RICTOR: variants seen among roughly 807,000 people sequenced by gnomAD.
The protein encoded by RICTOR is rapamycin-insensitive companion of mTOR.
RICTOR carries 49 observed loss-of-function variants against 214.9 expected under a neutral mutation model. That is an observed-to-expected ratio of 0.23 (90% CI 0.18 to 0.29). RICTOR has a LOEUF of 0.29. Ranked by LOEUF, RICTOR falls within the 10% of genes least tolerant of loss-of-function variation. The probability of loss-of-function intolerance (pLI) is 1.00; values close to 1 mark genes in which losing one functional copy is unlikely to be tolerated. For missense variants in RICTOR, 1,625 were observed against 2,047.0 expected, an observed-to-expected ratio of 0.79 and a Z score of 3.98; for synonymous variants, 717 against 711.3, an observed-to-expected ratio of 1.01 and a Z score of -0.13.
At chr5:39,003,426 C>T in intron 4 of RICTOR, 132 bp downstream of exon 4, 1 of 551,896 alleles carries the variant, frequency 1.8e-6, no homozygotes, top group South Asian at 3.2e-5. Context: ...TAGATTTTTT[C>T]TAATGTTCAA....
intron 8 of RICTOR, chr5:38,981,372 C>CTGTA (rs1751703200): frequency 6.5e-6 from 1 of 154,622 alleles, no homozygotes; most frequent in African/African-American, 2.4e-5. Context: ...TTTTGACTAA[C>CTGTA]TGTAATAAAC....
Position 38,950,033 on chromosome 5 carries a change from G to C in RICTOR, c.3815C>G (p.Pro1272Arg), listed in dbSNP as rs1218239999. The C allele has an allele frequency of 6.2e-7, 1 of 1,613,348 alleles. No homozygotes were observed. The highest frequency in any genetic ancestry group is 1.3e-5 in the African/African-American group (1 of 74,952). The change falls in exon 31 of 38, where the codon CCA (proline) becomes CGA (arginine). Residue 1272 changes from proline (P) to arginine (R), a missense_variant. By Grantham distance (103) the Pro-to-Arg change is moderately radical. Coordinates refer to ENST00000357387, the MANE Select transcript of RICTOR (RefSeq NM_152756.5). ...KTIKTSHYLT[P>R]QSNHLSLSKS... is the part of the protein sequence containing the mutation. ...GGAGAGAGACAGATGGTTAGACTGT[G>C]GCGTCAAATAGTGGCTTGTCTTAAT...
chr5:39,040,431 C>T (rs1024135684), intron 2 of RICTOR, among the ~76,000 whole-genome samples: 8 of 151,896 alleles, frequency 5.3e-5, no homozygotes, highest in East Asian at 3.9e-4. Context: ...CAAACCTGCA[C>T]GCTGTGCACA....
At chr5:39,073,994 TG>T in intron 2 of RICTOR, 116 bp downstream of exon 2, 1 of 585,878 alleles carries the variant, frequency 1.7e-6, no homozygotes, top group Non-Finnish European at 2.3e-6. Flanking sequence ...GCTCCGGCTC[TG>T]GCCCCCGCAC....
In RICTOR at chr5:38,959,917, G is replaced by A. The variant is rs1263674755; in HGVS notation, c.1913C>T (p.Ser638Phe). The A allele has an allele frequency of 6.2e-7, 1 of 1,613,058 alleles. No individual in the cohort carries two copies. The highest frequency in any genetic ancestry group is 1.3e-5 in the African/African-American group (1 of 74,858). Residue 638 changes from serine to phenylalanine, a missense_variant, in exon 21 of 38, where the codon TCT (serine) becomes TTT (phenylalanine). Coordinates refer to ENST00000357387, the MANE Select transcript of RICTOR (RefSeq NM_152756.5). ...KDIVQWLNAS[S>F]GMKPERSLQN... ...AAGACTTCTTTCGGGTTTCATTCCA[G>A]ATGAAGCATTGAGCCACTGAACAAT...
chr5:38,955,800 G>T (rs1025409281), intron 25 of RICTOR, 96 bp from the exon 26 acceptor site: 10 of 723,776 alleles, frequency 1.4e-5, no homozygotes, highest in African/African-American at 3.5e-5. Flanking sequence ...ACAGATCAAG[G>T]TATTATGAAT....
At chr5:39,066,819 T>C (rs1279094689) in intron 2 of RICTOR, among the ~76,000 whole-genome samples, 1 of 152,232 alleles carries the variant, frequency 6.6e-6, no homozygotes, top group African/African-American at 2.4e-5. Context: ...TGCTAAAGCA[T>C]AATGAGGGTG....
chr5:39,031,576 C>T (rs1227781683), intron 2 of RICTOR, among the ~76,000 whole-genome samples: 1 of 152,144 alleles, frequency 6.6e-6, no homozygotes, highest in Non-Finnish European at 1.5e-5. Context: ...CTCCAAGCCA[C>T]CATGAGATTA....
At chr5:38,990,728 ATATATAT>A (rs1324826738) in intron 7 of RICTOR, among the ~76,000 whole-genome samples, 1 of 3,114 alleles carries the variant, frequency 3.2e-4, no homozygotes, top group Non-Finnish European at 1.3e-3. Flanking sequence ...GATATATATC[ATATATAT>A]GATATATATG....
At chr5:38,999,732 A>G (rs960838809) in intron 5 of RICTOR, among the ~76,000 whole-genome samples, 1 of 152,152 alleles carries the variant, frequency 6.6e-6, no homozygotes, top group African/African-American at 2.4e-5. Flanking sequence ...ACAAACTCAT[A>G]AATACACACA....
chr5:38,951,584 A>G (rs1471474960), intron 30 of RICTOR, among the ~76,000 whole-genome samples: 1 of 151,986 alleles, frequency 6.6e-6, no homozygotes, highest in Non-Finnish European at 1.5e-5. Context: ...GGCATATTTC[A>G]TAATTCATGG....
In RICTOR at chr5:38,941,785, GA is replaced by G. The variant is rs1747599021; in HGVS notation, c.*518del. ...GTGTTACAAACATTAAGAAAAACGT[GA>G]AAGGGCCAAAGTTCCCTCTCTAATA... On this transcript the variant is annotated 3_prime_UTR_variant, in exon 38 of 38. Coordinates refer to ENST00000357387, the MANE Select transcript of RICTOR (RefSeq NM_152756.5). 2 of 232,846 alleles carry G rather than the reference GA, an allele frequency of 8.6e-6. No homozygotes were observed. The highest frequency in any genetic ancestry group is 4.4e-5 in the African/African-American group (2 of 45,284). 14.4% of individuals were successfully genotyped at this position (232,846 alleles called of 1,614,324 possible). A position where few individuals can be genotyped will look rare whatever the true frequency, so the allele number is the denominator to read the frequency against.
intron 7 of RICTOR, among the ~76,000 whole-genome samples, chr5:38,988,103 A>C (rs1259547597): frequency 1.3e-5 from 2 of 152,090 alleles, no homozygotes; most frequent in African/African-American, 2.4e-5. Flanking sequence ...GCATTTGCTG[A>C]GGAGTGTTTT....
In RICTOR at chr5:38,978,577, A is replaced by G. The variant is rs372648768; in HGVS notation, c.821+6T>C. ...TTAAAAATTATTAGGAACCAATGTT[A>G]CTTACTTGAGCTGTCCTTCAGCTGT... On this transcript the variant is annotated splice_donor_region_variant and intron_variant, in intron 9 of 37. Coordinates refer to ENST00000357387, the MANE Select transcript of RICTOR (RefSeq NM_152756.5). The G allele has an allele frequency of 2.0e-6, 3 of 1,492,538 alleles. No individual in the cohort carries two copies. Among genetic ancestry groups the G allele is most frequent in the African/African-American group, 2.8e-5 (2 of 71,772 alleles). 92.5% of individuals were successfully genotyped at this position (1,492,538 alleles called of 1,614,324 possible).
At position 38,950,311 on chromosome 5, in the gene RICTOR, T is replaced by C. The variant is rs758289417; in HGVS notation, c.3537A>G (p.Gly1179=). 4 of 1,613,592 alleles carry C rather than the reference T, an allele frequency of 2.5e-6. No homozygotes were observed. In the South Asian group the frequency reaches 4.4e-5, roughly 18 times the overall value. The change falls in exon 31 of 38, where the codon GGA becomes GGG. Residue 1179 remains glycine (G), a synonymous_variant. Transcript: ENST00000357387. Reference sequence around the variant, plus strand: ...TCTTGGTGAATTTTAAGTCATTTTCTCCAATGCTTGGTGTACTACCAGTGT... The same window carrying C: ...TCTTGGTGAATTTTAAGTCATTTTCCCCAATGCTTGGTGTACTACCAGTGT... ...IEDTGSTPSI[G]ENDLKFTKNF... is the part of the protein sequence containing the mutation.
At chr5:39,063,187 G>A (rs1040045740) in intron 2 of RICTOR, among the ~76,000 whole-genome samples, 3 of 152,146 alleles carry the variant, frequency 2.0e-5, no homozygotes, top group African/African-American at 7.2e-5. Context: ...AATTACCTAG[G>A]CTTGGGTCTG....
chr5:39,018,596 C>A (rs1339514338), intron 3 of RICTOR, among the ~76,000 whole-genome samples: 1 of 152,078 alleles, frequency 6.6e-6, no homozygotes, highest in Non-Finnish European at 1.5e-5. Flanking sequence ...CAGTGATCCT[C>A]AATGTAACTA....
chr5:38,949,319 TAA>T (rs1579877201), intron 31 of RICTOR: 3 of 1,316,152 alleles, frequency 2.3e-6, no homozygotes, highest in Middle Eastern at 1.9e-4. Flanking sequence ...AAAAAAATAA[TAA>T]AGAGGTCAAC....
chr5:38,963,125 G>T, intron 16 of RICTOR, 84 bp from the exon 17 acceptor site: 1 of 907,108 alleles, frequency 1.1e-6, no homozygotes, highest in Non-Finnish European at 1.6e-6. Context: ...TAAAGCTTAC[G>T]TAAGATCAAG....
Sources: gnomAD v4.1 joint callset for allele counts (sites outside exome capture counted in the v4.1 genomes callset) on GRCh38, gnomAD v4.1.1 for gene constraint, MANE v1.5 for transcripts, NCBI Gene and HGNC (gene_info 2026-07-23, HGNC 2026-07-21) for gene names.